GRIA3: variants seen among roughly 807,000 people sequenced by gnomAD.
GRIA3 encodes the protein glutamate receptor 3.
In GRIA3, 3 loss-of-function variants were observed where a neutral mutation model predicts 63.0. The ratio of observed to expected loss-of-function variants is 0.05; its 90% CI spans 0.02 to 0.12. The LOEUF (loss-of-function observed/expected upper bound fraction) is 0.12. Ranked by LOEUF, GRIA3 falls within the 10% of genes least tolerant of loss-of-function variation. GRIA3 has a pLI of 1.00. For missense variants in GRIA3, 347 were observed against 700.9 expected, an observed-to-expected ratio of 0.50 and a Z score of 5.70; for synonymous variants, 274 against 257.9, an observed-to-expected ratio of 1.06 and a Z score of -0.60.
intron 3 of GRIA3, among the ~76,000 whole-genome samples, chrX:123,283,631 G>T (rs1185525636): frequency 6.3e-5 from 7 of 111,621 alleles, no homozygotes; most frequent in African/African-American, 2.3e-4. Flanking sequence ...AGCCACCTGG[G>T]AAGTTCAAAC....
chrX:123,415,496 A>G (rs754574444), intron 10 of GRIA3, among the ~76,000 whole-genome samples: 5 of 111,614 alleles, frequency 4.5e-5, no homozygotes, highest in African/African-American at 1.3e-4. Flanking sequence ...GATAGAGCTT[A>G]TATCAAATGG....
intron 5 of GRIA3, among the ~76,000 whole-genome samples, chrX:123,365,164 T>C (rs1416348219): frequency 1.8e-5 from 2 of 111,963 alleles, no homozygotes; most frequent in Non-Finnish European, 1.9e-5. Flanking sequence ...ATTAGCTTGA[T>C]CTAATCATTT....
chrX:123,395,400 A>AT (rs1488746640), intron 6 of GRIA3, among the ~76,000 whole-genome samples: 1 of 112,389 alleles, frequency 8.9e-6, no homozygotes, highest in Admixed American at 9.4e-5. Context: ...GCCTATAACA[A>AT]TTTACAGTAT....
intron 11 of GRIA3, among the ~76,000 whole-genome samples, chrX:123,426,201 T>A (rs772893161): frequency 8.9e-6 from 1 of 111,905 alleles, no homozygotes; most frequent in South Asian, 3.7e-4. Flanking sequence ...AGAATTATCC[T>A]AAGGATGATG....
rs1206091542 is a variant in GRIA3 at position 123,463,688 on chromosome X, G to A, written c.2077-1177G>A. Reference sequence around the variant, plus strand: ...AGAAAGAAAGAAAGAAAGAAAGAGAGAGAAAGAAAGAAAAAGAAAGAAAGA... The same window carrying A: ...AGAAAGAAAGAAAGAAAGAAAGAGAAAGAAAGAAAGAAAAAGAAAGAAAGA... On this transcript the variant is annotated intron_variant, in intron 12 of 15. Coordinates refer to ENST00000620443, the MANE Select transcript of GRIA3 (RefSeq NM_007325.5). 1.3e-3 allele frequency among the ~76,000 whole-genome samples: 70 copies of A among 53,128 alleles called. 1 individual carries two copies. The highest frequency in any genetic ancestry group is 1.8e-3 in the Non-Finnish European group (54 of 30,009). The allele number at this position is 53,128 out of a possible 115,157, so 46.1% of individuals were successfully genotyped here.
At chrX:123,446,008 G>A (rs1315730232) in intron 12 of GRIA3, among the ~76,000 whole-genome samples, 6 of 111,878 alleles carry the variant, frequency 5.4e-5, no homozygotes, top group Non-Finnish European at 1.1e-4. Flanking sequence ...TAAAAGTGTT[G>A]GAAAACTTAC....
chrX:123,222,360 A>C (rs773722243), intron 2 of GRIA3, among the ~76,000 whole-genome samples: 11 of 112,464 alleles, frequency 9.8e-5, no homozygotes, highest in African/African-American at 2.9e-4. Flanking sequence ...TGTTATTAGA[A>C]TCCTTGTGAA....
At chrX:123,364,788 G>T (rs772902938) in intron 5 of GRIA3, among the ~76,000 whole-genome samples, 10 of 112,751 alleles carry the variant, frequency 8.9e-5, no homozygotes, top group Non-Finnish European at 1.7e-4. Context: ...AGCCATAAAA[G>T]GGTGGAAATC....
chrX:123,242,806 T>A lies in GRIA3; in HGVS notation c.269-10497T>A, dbSNP rs2044337414. On this transcript the variant is annotated intron_variant, in intron 2 of 15. Coordinates refer to ENST00000620443, the MANE Select transcript of GRIA3 (RefSeq NM_007325.5). ...ATGACAGACCTGAAGCCCAGGGAAG[T>A]GACCGGCCCAAGGCCATATAGCCAA... Among the ~76,000 whole-genome samples the A allele has an allele frequency of 6.2e-5, 7 of 112,649 alleles. No individual in the cohort carries two copies. In the South Asian group the frequency reaches 2.6e-3, roughly 41 times the overall value.
At chrX:123,234,667 G>T (rs1259344505) in intron 2 of GRIA3, among the ~76,000 whole-genome samples, 1 of 111,654 alleles carries the variant, frequency 9.0e-6, no homozygotes, top group Non-Finnish European at 1.9e-5. Context: ...CAGGGGAGTG[G>T]AATATTCCAC....
At position 123,427,937 on chromosome X, in the gene GRIA3, A is replaced by G; in HGVS notation, c.1878-4A>G. The stretch of plus-strand genomic sequence containing the variant: ...TCTGGATTTGTTTTTGTTTTGTTTT[A>G]TAGATCACTCTCCGGGCGCATTGTT... On this transcript the variant is annotated splice_region_variant and splice_polypyrimidine_tract_variant and intron_variant, in intron 11 of 15. Coordinates refer to ENST00000620443, the MANE Select transcript of GRIA3 (RefSeq NM_007325.5). The G allele has an allele frequency of 8.4e-7, 1 of 1,187,117 alleles. No individual in the cohort carries two copies. The highest frequency in any genetic ancestry group is 1.7e-5 in the African/African-American group (1 of 57,181).
At chrX:123,271,473 C>T (rs1028718618) in intron 3 of GRIA3, among the ~76,000 whole-genome samples, 6 of 111,650 alleles carry the variant, frequency 5.4e-5, no homozygotes, top group Admixed American at 2.9e-4. Context: ...GCAGTGAACG[C>T]GGGACTAAAG....
At chrX:123,383,711 C>A (rs1458282755) in intron 5 of GRIA3, among the ~76,000 whole-genome samples, 1 of 110,188 alleles carries the variant, frequency 9.1e-6, no homozygotes, top group East Asian at 2.8e-4. Context: ...TCTTTTTTTT[C>A]AACTTTTATT....
At position 123,191,889 on chromosome X, in the gene GRIA3, A is replaced by G. The variant is rs150258040; in HGVS notation, c.268+5899A>G. ...AAATGGTAAAGGGTTAATATATGTA[A>G]CGGGGAGTATCTGCTTCAAAACTAG... On this transcript the variant is annotated intron_variant, in intron 2 of 15. Coordinates refer to ENST00000620443, the MANE Select transcript of GRIA3 (RefSeq NM_007325.5). Among the ~76,000 whole-genome samples, 462 of 111,335 alleles carry G rather than the reference A, an allele frequency of 4.1e-3. 4 individuals are homozygous for G. Among genetic ancestry groups the G allele is most frequent in the African/African-American group, 0.014 (430 of 30,614 alleles).
chrX:123,471,407 A>G (rs988033287), intron 13 of GRIA3, among the ~76,000 whole-genome samples: 1 of 112,470 alleles, frequency 8.9e-6, no homozygotes, highest in African/African-American at 3.2e-5. Flanking sequence ...CATGGTTTCT[A>G]TGATTAGGAC....
chrX:123,456,694 G>A (rs897496354), intron 12 of GRIA3, among the ~76,000 whole-genome samples: 1 of 111,453 alleles, frequency 9.0e-6, no homozygotes, highest in Non-Finnish European at 1.9e-5. Flanking sequence ...AGAGGGGGAG[G>A]TCAGGAGCTC....
chrX:123,315,984 T>C (rs982134366), intron 3 of GRIA3, among the ~76,000 whole-genome samples: 3 of 97,232 alleles, frequency 3.1e-5, no homozygotes, highest in Non-Finnish European at 6.1e-5. Context: ...CAGACCAGCC[T>C]GGGCAACATA....
chrX:123,289,285 G>C (rs754341168), intron 3 of GRIA3, among the ~76,000 whole-genome samples: 2 of 110,241 alleles, frequency 1.8e-5, no homozygotes, highest in African/African-American at 3.3e-5. Context: ...GGGGCACTAG[G>C]GGAGGGATAG....
At position 123,198,520 on chromosome X, in the gene GRIA3, C is replaced by T. The variant is rs142417477; in HGVS notation, c.268+12530C>T. Among the ~76,000 whole-genome samples, 88 of 111,894 alleles carry T rather than the reference C, an allele frequency of 7.9e-4. No individual in the cohort carries two copies. In the East Asian group the frequency reaches 0.024, roughly 30 times the overall value. On this transcript the variant is annotated intron_variant, in intron 2 of 15. Coordinates refer to ENST00000620443, the MANE Select transcript of GRIA3 (RefSeq NM_007325.5). ...TGTGGAAGATATTCTTAACTATCCC[C>T]AAAGCCCTTCAAACTAACCTGTATG...
Sources: gnomAD v4.1 joint callset for allele counts (sites outside exome capture counted in the v4.1 genomes callset) on GRCh38, gnomAD v4.1.1 for gene constraint, MANE v1.5 for transcripts, NCBI Gene and HGNC (gene_info 2026-07-23, HGNC 2026-07-21) for gene names.